Variants in HMGA2 observed in about 807,000 individuals in gnomAD.
HMGA2 encodes high mobility group AT-hook 2, also known as high mobility group protein HMGI-C.
In HMGA2, 8 loss-of-function variants were observed where a neutral mutation model predicts 19.1. That is an observed-to-expected ratio of 0.42 (90% CI 0.25 to 0.76). The LOEUF is 0.76. Among genes scored for constraint, HMGA2 ranks in the 30% least tolerant of loss-of-function variants. HMGA2 has a pLI of 0.28. For missense variants in HMGA2, 109 were observed against 136.3 expected (o/e 0.80, Z 1.00); for synonymous variants, 60 against 48.8 (o/e 1.23, Z -0.96).
intron 3 of HMGA2, among the ~76,000 whole-genome samples, chr12:65,932,183 C>T (rs1565736183): frequency 1.3e-5 from 2 of 152,184 alleles, no homozygotes; most frequent in African/African-American, 2.4e-5. Flanking sequence ...AAATGCTCAT[C>T]TAATCTTGGA....
At chr12:65,906,270 G>C (rs1452798460) in intron 3 of HMGA2, among the ~76,000 whole-genome samples, 1 of 152,182 alleles carries the variant, frequency 6.6e-6, no homozygotes, top group African/African-American at 2.4e-5. Context: ...GGCTTGGAGG[G>C]GCGATCCTTT....
At chr12:65,900,173 G>C (rs1165738972) in intron 3 of HMGA2, among the ~76,000 whole-genome samples, 19 of 152,134 alleles carry the variant, frequency 1.2e-4, no homozygotes, top group Admixed American at 1.2e-3. Context: ...TGTTCGAATT[G>C]AGGTCTCCTT....
At chr12:65,844,226 T>G (rs1321552085) in intron 3 of HMGA2, among the ~76,000 whole-genome samples, 1 of 152,172 alleles carries the variant, frequency 6.6e-6, no homozygotes, top group Non-Finnish European at 1.5e-5. Flanking sequence ...CATTTTCCCT[T>G]AGACCCTTGC....
chr12:65,878,502 G>A (rs1460124), intron 3 of HMGA2, among the ~76,000 whole-genome samples: 4,213 of 152,290 alleles, frequency 0.028, 89 homozygotes, highest in Non-Finnish European at 0.044. Flanking sequence ...GCTATGAAGT[G>A]ATATTTTGAA....
chr12:65,901,121 G>C (rs1053296809), intron 3 of HMGA2, among the ~76,000 whole-genome samples: 3 of 152,166 alleles, frequency 2.0e-5, no homozygotes, highest in Non-Finnish European at 4.4e-5. Flanking sequence ...ACCATGGTAG[G>C]AGCATTTACA....
rs954303204 is a variant in HMGA2 at position 65,838,686 on chromosome 12, C to G, written c.249+117C>G. On this transcript the variant is annotated intron_variant, in intron 3 of 4. Transcript: ENST00000403681. ...ATTTCCAACTTCTGGTTTGATGAAT[C>G]TTTGAAAGGGTTAAGTCAAGAGACA... 3.2e-5 allele frequency: 24 copies of G among 753,222 alleles called. No individual in the cohort carries two copies. The African/African-American group carries it at 3.9e-4, about 12-fold the overall frequency. 46.7% of individuals were successfully genotyped at this position (753,222 alleles called of 1,614,324 possible).
At chr12:65,947,421 T>C (rs1592463005) in intron 3 of HMGA2, among the ~76,000 whole-genome samples, 1 of 152,174 alleles carries the variant, frequency 6.6e-6, no homozygotes, top group Non-Finnish European at 1.5e-5. Flanking sequence ...TTTTAACATC[T>C]GTTAATCCAA....
At chr12:65,843,846 C>G (rs930533610) in intron 3 of HMGA2, among the ~76,000 whole-genome samples, 1 of 151,992 alleles carries the variant, frequency 6.6e-6, no homozygotes, top group Non-Finnish European at 1.5e-5. Context: ...GCCAGGAGTT[C>G]GAGACCAGCC....
intron 3 of HMGA2, chr12:65,915,350 ACG>A: frequency 7.4e-7 from 1 of 1,349,028 alleles, no homozygotes; most frequent in South Asian, 1.5e-5. Context: ...GCACCCTTGT[ACG>A]AATTTGAAAA....
At chr12:65,858,858 CTG>C (rs1261396671) in intron 3 of HMGA2, 2 of 152,190 alleles carry the variant, frequency 1.3e-5, no homozygotes, top group Non-Finnish European at 2.9e-5. Flanking sequence ...ATCAACTGGA[CTG>C]TTGCATTATT....
At chr12:65,869,058 C>T (rs1331764150) in intron 3 of HMGA2, among the ~76,000 whole-genome samples, 5 of 152,154 alleles carry the variant, frequency 3.3e-5, no homozygotes, top group African/African-American at 9.7e-5. Flanking sequence ...GTCAATGAGG[C>T]AGAAACCCCT....
chr12:65,875,589 ATTTTTTTTTTTTTTTTTTTTTTTT>A (rs71096056), intron 3 of HMGA2, among the ~76,000 whole-genome samples: 312 of 26,120 alleles, frequency 0.012, 8 homozygotes, highest in Middle Eastern at 0.042. Flanking sequence ...GTGCCCGGCT[ATTTTTTTTTTTTTTTTTTTTTTTT>A]TTTTTTTTTT....
intron 3 of HMGA2, among the ~76,000 whole-genome samples, chr12:65,921,275 T>C (rs1271926621): frequency 6.6e-6 from 1 of 152,190 alleles, no homozygotes; most frequent in African/African-American, 2.4e-5. Flanking sequence ...GTTTTTGTTT[T>C]TTGAGACGGA....
chr12:65,896,931 CTG>C (rs1161498659), intron 3 of HMGA2, among the ~76,000 whole-genome samples: 4 of 152,184 alleles, frequency 2.6e-5, no homozygotes, highest in South Asian at 2.1e-4. Context: ...ATATCCCTGG[CTG>C]TGTTATCAAT....
chr12:65,830,366 A>C (rs999036770), intron 2 of HMGA2, among the ~76,000 whole-genome samples: 1 of 151,988 alleles, frequency 6.6e-6, no homozygotes, highest in African/African-American at 2.4e-5. Context: ...GGATTTTGCA[A>C]TGCAAATCTT....
chr12:65,937,106 A>G (rs538351823), intron 3 of HMGA2, among the ~76,000 whole-genome samples: 62 of 152,266 alleles, frequency 4.1e-4, no homozygotes, highest in African/African-American at 1.4e-3. Context: ...CCTTACAAAC[A>G]TCCTTCTTTT....
At chr12:65,948,977 C>G (rs941687319) in intron 3 of HMGA2, among the ~76,000 whole-genome samples, 1 of 152,162 alleles carries the variant, frequency 6.6e-6, no homozygotes, top group Non-Finnish European at 1.5e-5. Context: ...GGATTTGAAA[C>G]GGTTTGGGAG....
rs34142770 is a variant in HMGA2 at position 65,861,623 on chromosome 12, TA to T, written c.249+23072del. Among the ~76,000 whole-genome samples the T allele has an allele frequency of 8.1e-3, 1,005 of 123,912 alleles. 6 individuals carry two copies. Among genetic ancestry groups the T allele is most frequent in the East Asian group, 0.014 (60 of 4,362 alleles). 81.3% of individuals were successfully genotyped at this position (123,912 alleles called of 152,430 possible). Reference sequence around the variant, plus strand: ...GTAATATTGATTTATCCTAAATTGGTAAAAAAAAAAAAAAAAAACCTAGATA... The same window carrying T: ...GTAATATTGATTTATCCTAAATTGGTAAAAAAAAAAAAAAAAACCTAGATA... On this transcript the variant is annotated intron_variant, in intron 3 of 4. Coordinates refer to ENST00000403681, the MANE Select transcript of HMGA2 (RefSeq NM_003483.6).
At chr12:65,897,875 A>T (rs982632314) in intron 3 of HMGA2, among the ~76,000 whole-genome samples, 2 of 152,044 alleles carry the variant, frequency 1.3e-5, no homozygotes, top group Non-Finnish European at 2.9e-5. Context: ...AGGCAGGAGA[A>T]ATCACTTGAA....
Sources: gnomAD v4.1 joint callset for allele counts (sites outside exome capture counted in the v4.1 genomes callset) on GRCh38, gnomAD v4.1.1 for gene constraint, MANE v1.5 for transcripts, NCBI Gene and HGNC (gene_info 2026-07-23, HGNC 2026-07-21) for gene names.